Variants in ROBO2 observed in about 807,000 individuals in gnomAD.
ROBO2 encodes roundabout homolog 2.
A neutral mutation model predicts 160.8 loss-of-function variants in ROBO2; 53 were observed. The ratio of observed to expected loss-of-function variants is 0.33; its 90% CI spans 0.26 to 0.41. The LOEUF is 0.41. ROBO2 is among the 10% of genes least tolerant of loss of function. ROBO2 has a pLI of 1.00. For synonymous variants in ROBO2, 664 were observed against 611.7 expected (o/e 1.09, Z -1.26); for missense variants, 1,577 against 1,722.4 (o/e 0.92, Z 1.49).
chr3:76,928,218 C>T (rs1459869894), intron 2 of ROBO2, among the ~76,000 whole-genome samples: 1 of 152,026 alleles, frequency 6.6e-6, no homozygotes, highest in African/African-American at 2.4e-5. Flanking sequence ...ACAAAGAGAG[C>T]CATGAGCCAC....
chr3:76,584,642 A>C (rs11918907), intron 2 of ROBO2, among the ~76,000 whole-genome samples: 141,654 of 152,098 alleles, frequency 0.93, 66,178 homozygotes, highest in East Asian at 1. Flanking sequence ...GAACTTGTAG[A>C]CTCCAGAATT....
chr3:76,694,692 T>C (rs955771807), intron 2 of ROBO2, among the ~76,000 whole-genome samples: 1 of 152,318 alleles, frequency 6.6e-6, no homozygotes, highest in South Asian at 2.1e-4. Flanking sequence ...AAACATAAAC[T>C]TCTAATATAT....
At chr3:76,928,235 G>C (rs2077105418) in intron 2 of ROBO2, among the ~76,000 whole-genome samples, 1 of 152,040 alleles carries the variant, frequency 6.6e-6, no homozygotes, top group Non-Finnish European at 1.5e-5. Context: ...CCACAAAATG[G>C]GAGTGGACTC....
chr3:77,378,599 T>C (rs983953280), intron 2 of ROBO2, among the ~76,000 whole-genome samples: 2 of 152,176 alleles, frequency 1.3e-5, no homozygotes, highest in African/African-American at 4.8e-5. Context: ...AAATCTGACA[T>C]CAAACTCTGT....
chr3:77,384,459 T>C (rs1162561544), intron 2 of ROBO2, among the ~76,000 whole-genome samples: 2 of 152,194 alleles, frequency 1.3e-5, no homozygotes, highest in East Asian at 3.8e-4. Context: ...AAAGTATTCC[T>C]GATACTCGAT....
intron 2 of ROBO2, among the ~76,000 whole-genome samples, chr3:76,933,380 T>G (rs956554772): frequency 6.6e-6 from 1 of 152,206 alleles, no homozygotes; most frequent in Non-Finnish European, 1.5e-5. Context: ...TATTTGTCTT[T>G]TGGAAAACAA....
chr3:77,229,742 G>A (rs2086932435), intron 2 of ROBO2, among the ~76,000 whole-genome samples: 1 of 151,730 alleles, frequency 6.6e-6, no homozygotes, highest in Non-Finnish European at 1.5e-5. Flanking sequence ...GGAGACCAGT[G>A]CTTGCTGCAG....
At chr3:77,589,593 C>G (rs1161771199) in intron 17 of ROBO2, among the ~76,000 whole-genome samples, 1 of 152,082 alleles carries the variant, frequency 6.6e-6, no homozygotes, top group Non-Finnish European at 1.5e-5. Flanking sequence ...TACATCTTCA[C>G]AACAATGTTT....
intron 2 of ROBO2, among the ~76,000 whole-genome samples, chr3:76,321,027 T>C (rs2072476588): frequency 6.6e-6 from 1 of 152,134 alleles, no homozygotes; most frequent in Non-Finnish European, 1.5e-5. Context: ...TCAATAAATA[T>C]TTACTGAATG....
At chr3:76,610,983 G>C (rs985089762) in intron 2 of ROBO2, among the ~76,000 whole-genome samples, 1 of 152,200 alleles carries the variant, frequency 6.6e-6, no homozygotes, top group Non-Finnish European at 1.5e-5. Context: ...AGCTGTGAGA[G>C]GGGACCCGAG....
At chr3:76,584,550 TCCACAG>T in intron 2 of ROBO2, among the ~76,000 whole-genome samples, 1 of 152,114 alleles carries the variant, frequency 6.6e-6, no homozygotes, top group South Asian at 2.1e-4. Flanking sequence ...AAGACAGCCA[TCCACAG>T]CCAAAAAGGG....
chr3:76,383,686 G>T (rs2108577155), intron 2 of ROBO2, among the ~76,000 whole-genome samples: 1 of 151,716 alleles, frequency 6.6e-6, no homozygotes, highest in Non-Finnish European at 1.5e-5. Context: ...CAACAGTTCA[G>T]ATAACTTTAT....
chr3:76,437,295 T>A (rs972134828), intron 2 of ROBO2, among the ~76,000 whole-genome samples: 2 of 152,178 alleles, frequency 1.3e-5, no homozygotes, highest in African/African-American at 2.4e-5. Flanking sequence ...TGAAAAGATA[T>A]TAGGCAGTAT....
At chr3:76,829,733 A>G (rs2066913041) in intron 2 of ROBO2, among the ~76,000 whole-genome samples, 1 of 151,420 alleles carries the variant, frequency 6.6e-6, no homozygotes, top group Non-Finnish European at 1.5e-5. Context: ...CAATGGCACA[A>G]TCTTGGCTCA....
chr3:76,136,144 G>T (rs533980658), intron 2 of ROBO2, among the ~76,000 whole-genome samples: 1 of 152,152 alleles, frequency 6.6e-6, no homozygotes, highest in South Asian at 2.1e-4. Flanking sequence ...TGTATCCATT[G>T]GGTTTAATAC....
At chr3:76,834,062 T>TTTTCTTTCTCTTTC (rs2067369592) in intron 2 of ROBO2, among the ~76,000 whole-genome samples, 1 of 88,012 alleles carries the variant, frequency 1.1e-5, no homozygotes, top group African/African-American at 4.5e-5. Context: ...CCTTTCTTTC[T>TTTTCTTTCTCTTTC]TTTCTTTCTT....
rs1316279158 is a variant in ROBO2, at chr3:76,510,948, T to G, written c.109+573346T>G. Among the ~76,000 whole-genome samples the G allele has an allele frequency of 3.9e-5, 6 of 152,212 alleles. No homozygotes were observed. The East Asian group carries it at 1.2e-3, about 29-fold the overall frequency. ...GGAACAAATGGAATGGTTGCAGAAA[T>G]TTAAGAAAAGACACAGTATTAAAGT... On this transcript the variant is annotated intron_variant, in intron 2 of 26. Coordinates refer to the ROBO2 transcript ENST00000487694.
chr3:76,152,775 G>A (rs2072259778), intron 2 of ROBO2, among the ~76,000 whole-genome samples: 1 of 152,016 alleles, frequency 6.6e-6, no homozygotes, highest in Admixed American at 6.6e-5. Context: ...TTATATTTCA[G>A]GAAGTCACCA....
intron 2 of ROBO2, among the ~76,000 whole-genome samples, chr3:76,992,099 A>G (rs2149374734): frequency 6.6e-6 from 1 of 152,080 alleles, no homozygotes; most frequent in African/African-American, 2.4e-5. Flanking sequence ...AAAATTTACT[A>G]TCCTGTAGTA....
Sources: allele counts gnomAD v4.1 joint callset (sites outside exome capture counted in the v4.1 genomes callset), GRCh38; gene constraint gnomAD v4.1.1; transcripts MANE v1.5; gene names NCBI Gene and HGNC (gene_info 2026-07-23, HGNC 2026-07-21).